The following AP1G1 variants were observed in gnomAD, a reference collection of about 807,000 sequenced individuals.
AP1G1 encodes AP-1 complex subunit gamma-1.
A neutral mutation model predicts 108.3 loss-of-function variants in AP1G1; 7 were observed. The ratio of observed to expected loss-of-function variants is 0.06; its 90% CI spans 0.04 to 0.12. The LOEUF is 0.12. Among genes scored for constraint, AP1G1 ranks in the 10% least tolerant of loss-of-function variants. The probability of loss-of-function intolerance (pLI) is 1.00; values close to 1 mark genes in which losing one functional copy is unlikely to be tolerated. For missense variants in AP1G1, 756 were observed against 1,010.7 expected, an observed-to-expected ratio of 0.75 and a Z score of 3.42; for synonymous variants, 379 against 353.5, an observed-to-expected ratio of 1.07 and a Z score of -0.81.
intron 12 of AP1G1, among the ~76,000 whole-genome samples, chr16:71,755,309 A>G (rs1396211108): frequency 6.6e-6 from 1 of 151,948 alleles, no homozygotes; most frequent in African/African-American, 2.4e-5. Context: ...TGGTGGCGTA[A>G]GCCTATGGTC....
Position 71,771,169 on chromosome 16 carries a change from A to T in AP1G1, c.552T>A (p.Asn184Lys). The stretch of plus-strand genomic sequence containing the variant: ...AAATTACATTACCATGGTTCTTCTC[A>T]TTCAATAAATTTTTTGTTGCTGGTA... ...MFLPATKNLLNEKNHGVLHTS... is the reference protein window; with the variant it reads ...MFLPATKNLLKEKNHGVLHTS... Residue 184 changes from asparagine (N) to lysine (K), a missense_variant, in exon 5 of 23, where the codon AAT (asparagine) becomes AAA (lysine). Around this residue, in one of 3 missense-constraint regions of AP1G1, gnomAD observed 304 missense variants for 483.6 expected, o/e 0.63. Coordinates refer to ENST00000299980, the MANE Select transcript of AP1G1 (RefSeq NM_001128.6). The T allele has an allele frequency of 6.2e-7, 1 of 1,600,296 alleles. No homozygotes were observed.
chr16:71,777,619 T>C (rs1236850852), intron 2 of AP1G1: 2 of 433,686 alleles, frequency 4.6e-6, no homozygotes, highest in East Asian at 1.5e-4. Context: ...CGATGCCCCA[T>C]TCTGTCTTCT....
intron 11 of AP1G1, chr16:71,756,397 T>C (rs1256860362): frequency 1.1e-5 from 4 of 375,298 alleles, no homozygotes; most frequent in African/African-American, 2.1e-5. Context: ...CCCTACGAGA[T>C]ATACCACTAA....
intron 14 of AP1G1, 73 bp downstream of exon 14, chr16:71,750,137 A>G: frequency 1.3e-6 from 2 of 1,578,984 alleles, no homozygotes; most frequent in Non-Finnish European, 1.7e-6. Context: ...GAGGGGGGAA[A>G]AAAAAGAAGA....
At chr16:71,759,012 T>A in intron 10 of AP1G1, 91 bp from the exon 11 acceptor site, 2 of 697,954 alleles carry the variant, frequency 2.9e-6, no homozygotes, top group Non-Finnish European at 4.9e-6. Context: ...AGACGTCTAA[T>A]GGATAAGAGA....
At chr16:71,786,231 T>G (rs2032199267) in intron 2 of AP1G1, among the ~76,000 whole-genome samples, 1 of 152,184 alleles carries the variant, frequency 6.6e-6, no homozygotes, top group Admixed American at 6.5e-5. Flanking sequence ...CACATTCTAT[T>G]TAAACATATT....
chr16:71,754,568 G>C (rs914487893), intron 12 of AP1G1, among the ~76,000 whole-genome samples: 1 of 152,166 alleles, frequency 6.6e-6, no homozygotes, highest in East Asian at 1.9e-4. Context: ...ACGCCAAGGA[G>C]GAAGGAGTGC....
At chr16:71,743,219 A>C (rs751639553) in intron 19 of AP1G1, 1 of 152,180 alleles carries the variant, frequency 6.6e-6, no homozygotes, top group African/African-American at 2.4e-5. Flanking sequence ...TAAATGATTC[A>C]TAAGTACATG....
At chr16:71,758,642 G>C (rs543826276) in intron 11 of AP1G1, 166 bp downstream of exon 11, 1 of 613,374 alleles carries the variant, frequency 1.6e-6, no homozygotes, top group East Asian at 2.8e-5. Flanking sequence ...TCTAAAAAAA[G>C]GATTCACTGA....
chr16:71,808,686 A>T lies in AP1G1; in HGVS notation c.-4+77T>A. ...GGACTGGACCCCTGAAACTGAAAGG[A>T]AGCTTCCGGTCGAGCGCCCGCGGCA... On this transcript the variant is annotated intron_variant, in intron 1 of 22. Coordinates refer to ENST00000299980, the MANE Select transcript of AP1G1 (RefSeq NM_001128.6). 3 of 1,286,800 alleles carry T rather than the reference A, an allele frequency of 2.3e-6. No individual in the cohort carries two copies. In the Middle Eastern group the frequency reaches 6.4e-4, roughly 275 times the overall value. 79.7% of individuals were successfully genotyped at this position (1,286,800 alleles called of 1,614,324 possible). A position where few individuals can be genotyped will look rare whatever the true frequency, so the allele number is the denominator to read the frequency against.
At chr16:71,759,836 A>G (rs934307366) in intron 10 of AP1G1, among the ~76,000 whole-genome samples, 1 of 151,986 alleles carries the variant, frequency 6.6e-6, no homozygotes, top group South Asian at 2.1e-4. Context: ...CAATTCTTTA[A>G]AAGTTTTCCA....
At chr16:71,753,642 C>T in intron 13 of AP1G1, 191 bp downstream of exon 13, 1 of 607,974 alleles carries the variant, frequency 1.6e-6, no homozygotes, top group South Asian at 1.9e-5. Context: ...GCCCTATATC[C>T]CACCTTATCC....
At chr16:71,808,296 A>G in intron 1 of AP1G1, 4 of 822,454 alleles carry the variant, frequency 4.9e-6, no homozygotes, top group South Asian at 2.1e-5. Flanking sequence ...AGAGGACGGC[A>G]CTGCAGGGGC....
intron 9 of AP1G1, 93 bp from the exon 10 acceptor site, chr16:71,761,660 TCA>T (rs1379073201): frequency 1.1e-6 from 1 of 928,954 alleles, no homozygotes; most frequent in South Asian, 1.5e-5. Context: ...CTCTGGTGCT[TCA>T]CAGACTGCTA....
At chr16:71,743,160 G>A (rs369369761) in intron 19 of AP1G1, 3 of 151,876 alleles carry the variant, frequency 2.0e-5, no homozygotes, top group East Asian at 1.9e-4. Context: ...TTTCTTTGCC[G>A]GTTATCCAGT....
intron 1 of AP1G1, among the ~76,000 whole-genome samples, chr16:71,791,673 CAAA>C (rs59552791): frequency 2.8e-4 from 25 of 90,260 alleles, no homozygotes; most frequent in Non-Finnish European, 3.3e-4. Context: ...GACCCTGTCT[CAAA>C]AAAAAAAAAA....
intron 2 of AP1G1, among the ~76,000 whole-genome samples, chr16:71,782,666 T>TTG (rs2032068151): frequency 6.6e-6 from 1 of 151,904 alleles, no homozygotes. Flanking sequence ...TTTTGTATTT[T>TTG]TAGTAGAGAC....
Position 71,733,130 on chromosome 16 carries a change from T to A in AP1G1, c.2397A>T (p.Thr799=), listed in dbSNP as rs2045489882. Residue 799 remains threonine (T), a synonymous_variant, in exon 23 of 23, where the codon ACA becomes ACT. Transcript: ENST00000299980. Reference sequence around the variant, plus strand: ...GCATTGCTGAGCCCTTGTGATTATATGTAAGCTTGATCCGCATTCGCAGCT... The same window carrying A: ...GCATTGCTGAGCCCTTGTGATTATAAGTAAGCTTGATCCGCATTCGCAGCT... ...KQQLRMRIKL[T]YNHKGSAMQD... The A allele has an allele frequency of 6.2e-7, 1 of 1,614,020 alleles. No individual in the cohort carries two copies. The highest frequency in any genetic ancestry group is 1.1e-5 in the South Asian group (1 of 91,084).
At chr16:71,758,737 A>G in intron 11 of AP1G1, 71 bp downstream of exon 11, 2 of 863,242 alleles carry the variant, frequency 2.3e-6, no homozygotes, top group Non-Finnish European at 3.8e-6. Context: ...TGGCAGCGGC[A>G]TAGAGCTATC....
Sources: gnomAD v4.1 joint callset for allele counts (sites outside exome capture counted in the v4.1 genomes callset) on GRCh38, gnomAD v4.1.1 for gene constraint, gnomAD v4.1.1 regional missense constraint, MANE v1.5 for transcripts, NCBI Gene and HGNC (gene_info 2026-07-23, HGNC 2026-07-21) for gene names.